Variants in HMCN1 observed in about 807,000 individuals in gnomAD.
HMCN1 encodes hemicentin 1.
In HMCN1, 321 loss-of-function variants were observed where a neutral mutation model predicts 625.9. That is an observed-to-expected ratio of 0.51 (90% CI 0.47 to 0.56). The LOEUF (loss-of-function observed/expected upper bound fraction) is 0.56. Ranked by LOEUF, HMCN1 falls within the 20% of genes least tolerant of loss-of-function variation. The pLI is 0.00. For missense variants in HMCN1, 6,588 were observed against 6,887.3 expected, an observed-to-expected ratio of 0.96 and a Z score of 1.54; for synonymous variants, 2,425 against 2,417.6, an observed-to-expected ratio of 1.00 and a Z score of -0.09.
Position 186,178,720 on chromosome 1 carries a change from G to C in HMCN1, c.16248G>C (p.Arg5416Ser), listed in dbSNP as rs1652753740. 1 of 1,614,104 alleles carries C rather than the reference G, an allele frequency of 6.2e-7. No individual in the cohort carries two copies. Among genetic ancestry groups the C allele is most frequent in the Non-Finnish European group, 8.5e-7 (1 of 1,179,954 alleles). ...TSLSRTRRTIRKTCPEGSEAS... is the reference protein window; with the variant it reads ...TSLSRTRRTISKTCPEGSEAS... ...TCTCCAGGACTAGAAGGACTATTAG[G>C]AAAACTTGCCCTGAAGGCTCTGAGG... The change falls in exon 104 of 107, where the codon AGG (arginine) becomes AGC (serine). Residue 5416 changes from arginine (R) to serine (S), a missense_variant. Physicochemically the swap from Arg to Ser is moderately radical, Grantham distance 110. This residue lies in a region of HMCN1 where 1,954 missense variants were observed against 2,013.1 expected (regional missense o/e 0.97). Transcript: ENST00000271588.
At chr1:185,841,502 A>C (rs1187885627) in intron 1 of HMCN1, among the ~76,000 whole-genome samples, 1 of 152,172 alleles carries the variant, frequency 6.6e-6, no homozygotes, top group Non-Finnish European at 1.5e-5. Flanking sequence ...TCCGTGATGT[A>C]GTGATAAAGC....
At chr1:186,003,584 A>T (rs2102074791) in intron 28 of HMCN1, 134 bp from the exon 29 acceptor site, 1 of 796,526 alleles carries the variant, frequency 1.3e-6, no homozygotes, top group East Asian at 2.6e-5. Flanking sequence ...ATGAAAAAGT[A>T]TTGTTGTGTG....
intron 14 of HMCN1, among the ~76,000 whole-genome samples, chr1:185,968,050 A>G (rs934583348): frequency 1.3e-5 from 2 of 152,240 alleles, no homozygotes; most frequent in South Asian, 2.1e-4. Context: ...ATGGTAAAAT[A>G]TTAAAGAAAT....
At chr1:186,129,692 G>A (rs1318531606) in intron 83 of HMCN1, among the ~76,000 whole-genome samples, 1 of 152,130 alleles carries the variant, frequency 6.6e-6, no homozygotes, top group Non-Finnish European at 1.5e-5. Flanking sequence ...GCATTTAGAT[G>A]AAAGGTTTAC....
chr1:185,922,624 G>T, intron 7 of HMCN1, 125 bp downstream of exon 7: 1 of 884,290 alleles, frequency 1.1e-6, no homozygotes, highest in Non-Finnish European at 1.8e-6. Context: ...CTTTAAATGT[G>T]ACTGTTCTCT....
In HMCN1 at chr1:186,166,278, A is replaced by T. The variant is rs1651873888; in HGVS notation, c.15414A>T (p.Ile5138=). Residue 5138 remains isoleucine, a synonymous_variant, in exon 99 of 107, where the codon ATA becomes ATT. Transcript: ENST00000271588. ...GCTCCTGCCCTAAAGGCCTCACCAT[A>T]GCTGCAGATGGAAGAACTTGTCAAG... ...YYCSCPKGLT[I]AADGRTCQDI... 6.2e-7 allele frequency: 1 copy of T among 1,614,142 alleles called. No individual in the cohort carries two copies. Among genetic ancestry groups the T allele is most frequent in the Non-Finnish European group, 8.5e-7 (1 of 1,179,998 alleles).
At chr1:186,127,601 A>T (rs775914554) in intron 82 of HMCN1, among the ~76,000 whole-genome samples, 1 of 152,128 alleles carries the variant, frequency 6.6e-6, no homozygotes, top group Admixed American at 6.6e-5. Flanking sequence ...ATGCATCAAG[A>T]AAGATGAGTG....
At chr1:185,984,378 A>G in intron 19 of HMCN1, 65 bp downstream of exon 19, 3 of 1,440,556 alleles carry the variant, frequency 2.1e-6, no homozygotes, top group Admixed American at 3.3e-5. Flanking sequence ...TTATATTTTA[A>G]TCAAATAACT....
intron 1 of HMCN1, among the ~76,000 whole-genome samples, chr1:185,747,596 A>G (rs138825209): frequency 1.1e-3 from 167 of 152,308 alleles, no homozygotes; most frequent in African/African-American, 3.8e-3. Flanking sequence ...CTGGGATTAT[A>G]GGCATGAGCC....
Position 185,977,852 on chromosome 1 carries a change from C to T in HMCN1, c.2437C>T (p.Pro813Ser), listed in dbSNP as rs763810726. The change falls in exon 16 of 107, where the codon CCT becomes TCT. Residue 813 changes from proline to serine, a missense_variant. Around this residue, in one of 3 missense-constraint regions of HMCN1, gnomAD observed 4,628 missense variants for 4,853.1 expected, o/e 0.95. Coordinates refer to ENST00000271588, the MANE Select transcript of HMCN1 (RefSeq NM_031935.3). Reference protein sequence around the residue: ...SMEIGSNVTLPCYVQGYPEPT... With the variant: ...SMEIGSNVTLSCYVQGYPEPT... ...GGAAATTGGCTCAAATGTGACATTA[C>T]CTTGTTATGTTCAGGGTTATCCAGA... The T allele has an allele frequency of 6.2e-7, 1 of 1,613,132 alleles. No homozygotes were observed. Among genetic ancestry groups the T allele is most frequent in the East Asian group, 2.2e-5 (1 of 44,790 alleles).
At chr1:185,974,305 ACT>A (rs1043061498) in intron 15 of HMCN1, among the ~76,000 whole-genome samples, 26 of 152,286 alleles carry the variant, frequency 1.7e-4, no homozygotes, top group African/African-American at 6.3e-4. Context: ...TAATAAGTTA[ACT>A]CTATAATATG....
At chr1:185,854,773 A>C (rs1450823712) in intron 2 of HMCN1, among the ~76,000 whole-genome samples, 1 of 152,154 alleles carries the variant, frequency 6.6e-6, no homozygotes, top group Admixed American at 6.6e-5. Flanking sequence ...ACTTTCTTAT[A>C]ATGTGATGTC....
intron 36 of HMCN1, among the ~76,000 whole-genome samples, chr1:186,027,542 C>T (rs181628383): frequency 9.9e-5 from 15 of 152,206 alleles, no homozygotes; most frequent in Admixed American, 9.2e-4. Flanking sequence ...AACGTACATT[C>T]CTCATCTGTA....
At position 186,129,976 on chromosome 1, in the gene HMCN1, C is replaced by T. The variant is rs756856667; in HGVS notation, c.12915C>T (p.Asp4305=). The T allele has an allele frequency of 2.4e-5, 39 of 1,612,826 alleles. No homozygotes were observed. Among genetic ancestry groups the T allele is most frequent in the Non-Finnish European group, 3.1e-5 (37 of 1,179,190 alleles). Residue 4305 remains aspartate (D), a synonymous_variant, in exon 84 of 107, where the codon GAC becomes GAT. Coordinates refer to ENST00000271588, the MANE Select transcript of HMCN1 (RefSeq NM_031935.3). The part of the protein sequence containing the change: ...FNNNIIPAHF[D]SVNGHSELVI... ...TCTTGTTTCCCTCAGCCCACTTTGA[C>T]AGTGTGAATGGACACAGTGAACTTG...
chr1:186,158,187 G>A (rs555847407), intron 97 of HMCN1, among the ~76,000 whole-genome samples: 2 of 149,836 alleles, frequency 1.3e-5, no homozygotes, highest in Non-Finnish European at 3.0e-5. Flanking sequence ...TTCTCTGATG[G>A]CCAGTGATGA....
At chr1:185,845,146 G>A (rs1029995652) in intron 1 of HMCN1, among the ~76,000 whole-genome samples, 1 of 152,062 alleles carries the variant, frequency 6.6e-6, no homozygotes, top group Non-Finnish European at 1.5e-5. Flanking sequence ...CCCCAGCCAT[G>A]AGAAAAAAAG....
chr1:185,908,063 C>G (rs879084122), intron 4 of HMCN1, among the ~76,000 whole-genome samples: 1 of 151,672 alleles, frequency 6.6e-6, no homozygotes, highest in South Asian at 2.1e-4. Flanking sequence ...AATGCAAAAA[C>G]ATTCAGTAAA....
chr1:185,990,498 C>G, intron 22 of HMCN1, 55 bp downstream of exon 22: 1 of 1,472,214 alleles, frequency 6.8e-7, no homozygotes, highest in Non-Finnish European at 9.5e-7. Context: ...CCTCTTGGGA[C>G]AGATGGCCAT....
Position 186,000,140 on chromosome 1 carries a change from G to C in HMCN1, c.3970G>C (p.Val1324Leu). The change falls in exon 26 of 107, where the codon GTT becomes CTT. Residue 1324 changes from valine (V) to leucine (L), a missense_variant. By Grantham distance (32) the Val-to-Leu change is conservative (BLOSUM62 1). Coordinates refer to ENST00000271588, the MANE Select transcript of HMCN1 (RefSeq NM_031935.3). ...TATCTTGGAAGATGGCACATTGCTG[G>C]TTATTGCTTCTGTTACACCCTATGA... is the stretch of plus-strand genomic sequence containing the variant. ...ISILEDGTLL[V>L]IASVTPYDNG... 1.2e-6 allele frequency: 2 copies of C among 1,613,160 alleles called. No homozygotes were observed. Among genetic ancestry groups the C allele is most frequent in the Non-Finnish European group, 1.7e-6 (2 of 1,179,386 alleles).
Sources: gnomAD v4.1 joint callset for allele counts (sites outside exome capture counted in the v4.1 genomes callset) on GRCh38, gnomAD v4.1.1 for gene constraint, gnomAD v4.1.1 regional missense constraint, MANE v1.5 for transcripts, NCBI Gene and HGNC (gene_info 2026-07-23, HGNC 2026-07-21) for gene names.